Variants in SMURF1 observed in about 807,000 individuals in gnomAD.
The protein encoded by SMURF1 is SMAD specific E3 ubiquitin protein ligase 1.
SMURF1 carries 44 observed loss-of-function variants against 98.0 expected under a neutral mutation model. The ratio of observed to expected loss-of-function variants is 0.45; its 90% CI spans 0.35 to 0.58. The LOEUF (loss-of-function observed/expected upper bound fraction) is 0.58, where lower values mean the gene tolerates loss of function less well. Ranked by LOEUF, SMURF1 falls within the 20% of genes least tolerant of loss-of-function variation. SMURF1 has a pLI of 0.00. For missense variants in SMURF1, 687 were observed against 938.4 expected (o/e 0.73, Z 3.50); for synonymous variants, 396 against 374.9 (o/e 1.06, Z -0.65).
At chr7:99,105,416 A>C (rs1466312897) in intron 1 of SMURF1, among the ~76,000 whole-genome samples, 1 of 152,194 alleles carries the variant, frequency 6.6e-6, no homozygotes, top group East Asian at 1.9e-4. Context: ...ACAAACACTA[A>C]AACAACAACC....
intron 16 of SMURF1, 95 bp downstream of exon 16, chr7:99,035,420 A>C: frequency 7.3e-7 from 1 of 1,374,458 alleles, no homozygotes. Flanking sequence ...TTTCTAGCAC[A>C]CATCTCAGAA....
intron 1 of SMURF1, among the ~76,000 whole-genome samples, chr7:99,091,805 T>C (rs1382449676): frequency 1.3e-5 from 2 of 152,230 alleles, no homozygotes; most frequent in Non-Finnish European, 2.9e-5. Flanking sequence ...CACATGGCTT[T>C]CCTCTTGCCC....
At position 99,030,605 on chromosome 7, in the gene SMURF1, G is replaced by A. The variant is rs771691738; in HGVS notation, c.2175C>T (p.Thr725=). 3 of 1,614,168 alleles carry A rather than the reference G, an allele frequency of 1.9e-6. No homozygotes were observed. The Admixed American group carries it at 5.0e-5, about 27-fold the overall frequency. The change falls in exon 18 of 18, where the codon ACC becomes ACT. Residue 725 remains threonine (T), a synonymous_variant. Coordinates refer to ENST00000361368, the MANE Select transcript of SMURF1 (RefSeq NM_181349.3). The part of the protein sequence containing the change: ...YEKLLTAVEE[T]CGFAVE ...CTTTTCACTCCACAGCAAACCCGCAGGTCTCCTCCACGGCTGTCAGCAGCT... is the reference window on the plus strand; with the variant it reads ...CTTTTCACTCCACAGCAAACCCGCAAGTCTCCTCCACGGCTGTCAGCAGCT...
intron 10 of SMURF1, among the ~76,000 whole-genome samples, chr7:99,046,889 C>G (rs752002025): frequency 1.4e-4 from 22 of 152,194 alleles, no homozygotes; most frequent in Non-Finnish European, 3.2e-4. Context: ...TGTGGCCAAG[C>G]TGCCCATCCA....
chr7:99,054,762 G>C, intron 6 of SMURF1, 28 bp downstream of exon 6: 1 of 1,604,906 alleles, frequency 6.2e-7, no homozygotes, highest in Non-Finnish European at 8.5e-7. Context: ...AGAGAACTCA[G>C]CCCGCCTCTT....
intron 1 of SMURF1, among the ~76,000 whole-genome samples, chr7:99,132,699 G>GACACACACACAC (rs113194877): frequency 6.1e-5 from 9 of 147,292 alleles, no homozygotes; most frequent in Admixed American, 2.0e-4. Flanking sequence ...CAGACACACG[G>GACACACACACAC]ACACACACAC....
chr7:99,043,768 G>A (rs963622098), intron 11 of SMURF1, among the ~76,000 whole-genome samples: 1 of 152,200 alleles, frequency 6.6e-6, no homozygotes, highest in African/African-American at 2.4e-5. Context: ...CATGTAGTTT[G>A]ACTCTCTTGG....
chr7:99,120,465 G>A (rs1265674672), intron 1 of SMURF1, among the ~76,000 whole-genome samples: 1 of 151,526 alleles, frequency 6.6e-6, no homozygotes, highest in Admixed American at 6.6e-5. Flanking sequence ...AGTCGTGATT[G>A]TTTTCCACTT....
chr7:99,035,375 G>A, intron 16 of SMURF1, 140 bp downstream of exon 16: 2 of 1,056,894 alleles, frequency 1.9e-6, no homozygotes, highest in Admixed American at 4.4e-5. Context: ...CTGTAGGGCA[G>A]AGCATTAGCT....
intron 11 of SMURF1, among the ~76,000 whole-genome samples, chr7:99,044,304 G>A (rs1795500138): frequency 6.6e-6 from 1 of 151,744 alleles, no homozygotes; most frequent in African/African-American, 2.4e-5. Flanking sequence ...AGAGTGAGAT[G>A]CTGTCTCCAG....
intron 1 of SMURF1, among the ~76,000 whole-genome samples, chr7:99,094,055 G>A (rs1056395505): frequency 6.6e-6 from 1 of 152,170 alleles, no homozygotes; most frequent in Admixed American, 6.5e-5. Flanking sequence ...TGCGTGATGT[G>A]TGTGTAACTA....
At chr7:99,076,796 T>TGC (rs927748924) in intron 1 of SMURF1, among the ~76,000 whole-genome samples, 1 of 152,184 alleles carries the variant, frequency 6.6e-6, no homozygotes, top group African/African-American at 2.4e-5. Flanking sequence ...CATGTGTGTG[T>TGC]GCGCATGTGT....
intron 1 of SMURF1, among the ~76,000 whole-genome samples, chr7:99,141,089 TGAAAGGGAAAGG>T (rs752387161): frequency 2.0e-5 from 3 of 152,130 alleles, no homozygotes; most frequent in Non-Finnish European, 2.9e-5. Context: ...TAACATCTAC[TGAAAGGGAAAGG>T]GAAAGGGAAA....
At chr7:99,135,228 T>G (rs1047117002) in intron 1 of SMURF1, among the ~76,000 whole-genome samples, 1 of 152,224 alleles carries the variant, frequency 6.6e-6, no homozygotes, top group African/African-American at 2.4e-5. Flanking sequence ...TTTTAATCTT[T>G]TTAATTGTTG....
At chr7:99,105,253 A>G (rs1797170918) in intron 1 of SMURF1, among the ~76,000 whole-genome samples, 1 of 152,264 alleles carries the variant, frequency 6.6e-6, no homozygotes, top group Non-Finnish European at 1.5e-5. Flanking sequence ...AGACATTTTT[A>G]TCACAACGAA....
intron 1 of SMURF1, among the ~76,000 whole-genome samples, chr7:99,109,752 A>G (rs1320898107): frequency 6.6e-6 from 1 of 152,278 alleles, no homozygotes; most frequent in Non-Finnish European, 1.5e-5. Context: ...ACGAAAAAGC[A>G]TTTGATAAAA....
intron 10 of SMURF1, among the ~76,000 whole-genome samples, chr7:99,047,006 A>G (rs1584457341): frequency 6.6e-6 from 1 of 152,128 alleles, no homozygotes; most frequent in South Asian, 2.1e-4. Context: ...GTCTCCTTTG[A>G]TCATTTCTGA....
In SMURF1 at chr7:99,057,474, A is replaced by T; in HGVS notation, c.281T>A (p.Phe94Tyr). 6.3e-7 allele frequency: 1 copy of T among 1,594,182 alleles called. No individual in the cohort carries two copies. Among genetic ancestry groups the T allele is most frequent in the Non-Finnish European group, 8.5e-7 (1 of 1,175,400 alleles). Residue 94 changes from phenylalanine to tyrosine, a missense_variant, in exon 4 of 18, where the codon TTC becomes TAC. Around this residue, in one of 2 missense-constraint regions of SMURF1, gnomAD observed 415 missense variants for 508.4 expected, o/e 0.82. Transcript: ENST00000361368. ...GGAGAGCAGCCGCACACAGCCCAGGAAGCCAGCTCCCTGTTTCTTGTGAAT... is the reference window on the plus strand; with the variant it reads ...GGAGAGCAGCCGCACACAGCCCAGGTAGCCAGCTCCCTGTTTCTTGTGAAT... ...KKIHKKQGAG[F>Y]LGCVRLLSNA... is the part of the protein sequence containing the mutation.
At chr7:99,059,200 C>G (rs944636311) in intron 3 of SMURF1, among the ~76,000 whole-genome samples, 5 of 151,042 alleles carry the variant, frequency 3.3e-5, no homozygotes, top group African/African-American at 1.2e-4. Flanking sequence ...GAGATCGAGA[C>G]CATCCCGGCT....
Sources: gnomAD v4.1 joint callset for allele counts (sites outside exome capture counted in the v4.1 genomes callset) on GRCh38, gnomAD v4.1.1 for gene constraint, gnomAD v4.1.1 regional missense constraint, MANE v1.5 for transcripts, NCBI Gene and HGNC (gene_info 2026-07-23, HGNC 2026-07-21) for gene names.